The following TRPV2 variants were observed in gnomAD, a reference collection of about 807,000 sequenced individuals.
The protein encoded by TRPV2 is transient receptor potential cation channel subfamily V member 2, also known as OTRPC2.
In TRPV2, 58 loss-of-function variants were observed where a neutral mutation model predicts 91.0. The ratio of observed to expected loss-of-function variants is 0.64; its 90% CI spans 0.52 to 0.79. The LOEUF (loss-of-function observed/expected upper bound fraction) is 0.79. TRPV2 is among the 30% of genes least tolerant of loss of function. The pLI, the probability that TRPV2 is intolerant of heterozygous loss-of-function variation, is 0.00. For synonymous variants in TRPV2, 417 were observed against 414.8 expected (o/e 1.01, Z -0.06); for missense variants, 807 against 969.6 (o/e 0.83, Z 2.23).
chr17:16,427,202 C>T (rs142158787), intron 7 of TRPV2, among the ~76,000 whole-genome samples: 29 of 152,286 alleles, frequency 1.9e-4, no homozygotes, highest in African/African-American at 6.5e-4. Context: ...CCCAGGGTCA[C>T]ACAGAATGGA....
Position 16,436,785 on chromosome 17 carries a change from A to T in TRPV2, c.2195-4A>T, listed in dbSNP as rs2093435603. 1 of 1,611,442 alleles carries T rather than the reference A, an allele frequency of 6.2e-7. No homozygotes were observed. Among genetic ancestry groups the T allele is most frequent in the South Asian group, 1.1e-5 (1 of 91,010 alleles). On this transcript the variant is annotated splice_polypyrimidine_tract_variant and splice_region_variant and intron_variant, in intron 14 of 14. Coordinates refer to ENST00000338560, the MANE Select transcript of TRPV2 (RefSeq NM_016113.5). ...AAGCTACAGTGCTTGCCATCTGTTT[A>T]CAGGAACTCTCGAGAACCCTGTCCT...
chr17:16,422,542 C>A, intron 3 of TRPV2, 57 bp from the exon 4 acceptor site: 1 of 1,564,798 alleles, frequency 6.4e-7, no homozygotes, highest in Non-Finnish European at 8.7e-7. Context: ...TATCGGGCAG[C>A]CCAGCCACTC....
chr17:16,419,183 G>T (rs761264785), intron 2 of TRPV2, among the ~76,000 whole-genome samples: 1 of 152,204 alleles, frequency 6.6e-6, no homozygotes, highest in African/African-American at 2.4e-5. Flanking sequence ...ATCTGCTGGT[G>T]GTGGTACCAG....
In TRPV2 at chr17:16,423,678, C is replaced by T. The variant is rs747121222; in HGVS notation, c.835C>T (p.Arg279Cys). The part of the protein sequence containing the change: ...MYDGLLQAGA[R>C]LCPTVQLEDI... The stretch of plus-strand genomic sequence containing the variant: ...TGATGGGCTCCTCCAAGCTGGGGCC[C>T]GCCTCTGCCCTACCGTGCAGCTTGA... The change falls in exon 5 of 15, where the codon CGC becomes TGC. Residue 279 changes from arginine (R) to cysteine (C), a missense_variant. By Grantham distance (180) the Arg-to-Cys change is radical. Coordinates refer to ENST00000338560, the MANE Select transcript of TRPV2 (RefSeq NM_016113.5). The T allele has an allele frequency of 5.6e-6, 9 of 1,613,970 alleles. No homozygotes were observed. Among genetic ancestry groups the T allele is most frequent in the African/African-American group, 2.7e-5 (2 of 74,940 alleles).
intron 10 of TRPV2, among the ~76,000 whole-genome samples, chr17:16,430,128 G>T (rs999806463): frequency 6.6e-6 from 1 of 152,050 alleles, no homozygotes; most frequent in Non-Finnish European, 1.5e-5. Flanking sequence ...GCCTCCCAAA[G>T]TGCTGGGATT....
rs2093349953 is a variant in TRPV2 at position 16,420,171 on chromosome 17, G to GT, written c.258dup (p.Val87CysfsTer31). 6.2e-7 allele frequency: 1 copy of GT among 1,614,102 alleles called. No homozygotes were observed. The highest frequency in any genetic ancestry group is 2.2e-5 in the East Asian group (1 of 44,878). On this transcript the variant is annotated frameshift_variant, in exon 3 of 15. Transcript: ENST00000338560. LOFTEE classifies it high-confidence loss of function. ...CGGCTCTTCAATGCGGTCTCCCGGG[G>GT]TGTCCCCGAGGATCTGGCTGGACTT...
chr17:16,422,861 G>A lies in TRPV2; in HGVS notation c.597G>A (p.Gln199=), dbSNP rs139208164. The A allele has an allele frequency of 1.1e-4, 178 of 1,568,342 alleles. No individual in the cohort carries two copies. In the African/African-American group the frequency reaches 1.8e-3, roughly 16 times the overall value. ...VHARACGRFF[Q]KGQGTCFYFG... ...CCCGGGCCTGCGGCCGCTTCTTCCA[G>A]AAGGGCCAAGGGACTTGCTTTTATT... is the stretch of plus-strand genomic sequence containing the variant. Residue 199 remains glutamine, a synonymous_variant, in exon 4 of 15, where the codon CAG becomes CAA. Coordinates refer to ENST00000338560, the MANE Select transcript of TRPV2 (RefSeq NM_016113.5).
At chr17:16,425,864 G>A (rs2093380490) in intron 5 of TRPV2, among the ~76,000 whole-genome samples, 2 of 152,204 alleles carry the variant, frequency 1.3e-5, no homozygotes, top group African/African-American at 4.8e-5. Context: ...CACAGGGCAG[G>A]GGAGGGGAAG....
chr17:16,428,176 A>G, intron 8 of TRPV2, 141 bp from the exon 9 acceptor site: 1 of 734,396 alleles, frequency 1.4e-6, no homozygotes, highest in South Asian at 1.6e-5. Flanking sequence ...TATCTCAGCT[A>G]TCAGAAGTAT....
In TRPV2 at chr17:16,436,984, T is replaced by C. The variant is rs1055450489; in HGVS notation, c.*95T>C. ...GGTCCCAGTGAATTCTGGTGGCAAA[T>C]ATATATTTTCACTAACTAACTCTTC... is the stretch of plus-strand genomic sequence containing the variant. On this transcript the variant is annotated 3_prime_UTR_variant, in exon 15 of 15. Coordinates refer to ENST00000338560, the MANE Select transcript of TRPV2 (RefSeq NM_016113.5). 2 of 994,766 alleles carry C rather than the reference T, an allele frequency of 2.0e-6. No homozygotes were observed. The highest frequency in any genetic ancestry group is 1.6e-5 in the African/African-American group (1 of 62,030). The allele number at this position is 994,766 out of a possible 1,614,324, so 61.6% of individuals were successfully genotyped here.
rs745555037 is a variant in TRPV2, at chr17:16,433,693, C to T, written c.2109C>T (p.Cys703=). The change falls in exon 13 of 15, where the codon TGC becomes TGT. Residue 703 remains cysteine (C), a synonymous_variant. Transcript: ENST00000338560. The stretch of plus-strand genomic sequence containing the variant: ...ATGGCAGCCCCGATGAGCGCTGGTG[C>T]TTCAGGTGAGTGAGTGGTGGGAGGG... The part of the protein sequence containing the change: ...KPDGSPDERW[C]FRVEEVNWAS... 1.2e-6 allele frequency: 2 copies of T among 1,613,708 alleles called. No individual in the cohort carries two copies. Among genetic ancestry groups the T allele is most frequent in the Non-Finnish European group, 8.5e-7 (1 of 1,179,914 alleles).
At chr17:16,428,678 T>G in intron 9 of TRPV2, 139 bp from the exon 10 acceptor site, 1 of 930,768 alleles carries the variant, frequency 1.1e-6, no homozygotes, top group South Asian at 1.6e-5. Context: ...ATGCCCATTT[T>G]ACAGTGGGAG....
intron 2 of TRPV2, among the ~76,000 whole-genome samples, chr17:16,418,468 C>T (rs1242990937): frequency 2.0e-5 from 3 of 152,164 alleles, no homozygotes; most frequent in Non-Finnish European, 4.4e-5. Flanking sequence ...GGGGGCGGGG[C>T]CTGCCCAGTG....
intron 5 of TRPV2, among the ~76,000 whole-genome samples, chr17:16,425,078 A>G (rs935929141): frequency 7.3e-6 from 1 of 136,958 alleles, no homozygotes. Flanking sequence ...AGGCTGGAGT[A>G]CAATGGCGCG....
intron 5 of TRPV2, 25 bp downstream of exon 5, chr17:16,423,792 T>G: frequency 6.5e-7 from 1 of 1,527,034 alleles, no homozygotes; most frequent in Admixed American, 1.9e-5. Context: ...CCTTCCCACT[T>G]CCCCTCTCCA....
In TRPV2 at chr17:16,426,652, T is replaced by G. The variant is rs1236268030; in HGVS notation, c.1096-70T>G. On this transcript the variant is annotated intron_variant, in intron 6 of 14. Coordinates refer to ENST00000338560, the MANE Select transcript of TRPV2 (RefSeq NM_016113.5). This position sits in a 1 kb window ranked among gnomAD's most constrained non-coding sequence, Gnocchi z 6.0. ...CTCATTTCCTGGGCCCTTGCTTTGA[T>G]CTTGACATGGAGTGGGCAGCCTATT... is the stretch of plus-strand genomic sequence containing the variant. 2 of 1,541,420 alleles carry G rather than the reference T, an allele frequency of 1.3e-6. No homozygotes were observed. The highest frequency in any genetic ancestry group is 8.8e-7 in the Non-Finnish European group (1 of 1,139,850).
chr17:16,417,519 C>T (rs2093336606), intron 1 of TRPV2, 43 bp from the exon 2 acceptor site: 5 of 763,878 alleles, frequency 6.5e-6, no homozygotes, highest in South Asian at 1.8e-5. Flanking sequence ...CACCCAGCCA[C>T]CACGCCCAGC....
chr17:16,422,861 G>C lies in TRPV2; in HGVS notation c.597G>C (p.Gln199His), dbSNP rs139208164. ...CCCGGGCCTGCGGCCGCTTCTTCCA[G>C]AAGGGCCAAGGGACTTGCTTTTATT... ...VHARACGRFFQKGQGTCFYFG... is the reference protein window; with the variant it reads ...VHARACGRFFHKGQGTCFYFG... The change falls in exon 4 of 15, where the codon CAG (glutamine) becomes CAC (histidine). Residue 199 changes from glutamine (Q) to histidine (H), a missense_variant. Coordinates refer to ENST00000338560, the MANE Select transcript of TRPV2 (RefSeq NM_016113.5). The C allele has an allele frequency of 1.9e-6, 3 of 1,568,346 alleles. No individual in the cohort carries two copies. The highest frequency in any genetic ancestry group is 2.6e-6 in the Non-Finnish European group (3 of 1,154,788).
At chr17:16,433,908 G>A (rs2093424305) in intron 13 of TRPV2, among the ~76,000 whole-genome samples, 1 of 152,254 alleles carries the variant, frequency 6.6e-6, no homozygotes, top group Admixed American at 6.5e-5. Flanking sequence ...GCCTGTCCCA[G>A]TGGCTTAAAC....
Sources: gnomAD v4.1 joint callset for allele counts (sites outside exome capture counted in the v4.1 genomes callset) on GRCh38, gnomAD v4.1.1 for gene constraint, Gnocchi (gnomAD v3.1) non-coding constraint, MANE v1.5 for transcripts, NCBI Gene and HGNC (gene_info 2026-07-23, HGNC 2026-07-21) for gene names.